PPARGC1A: variants seen among roughly 807,000 people sequenced by gnomAD.
PPARGC1A encodes PPARG coactivator 1 alpha, also known as peroxisome proliferator-activated receptor gamma coactivator 1-alpha.
A neutral mutation model predicts 88.7 loss-of-function variants in PPARGC1A; 25 were observed. That is an observed-to-expected ratio of 0.28 (90% confidence interval 0.21 to 0.39). PPARGC1A has a LOEUF of 0.39. Among genes scored for constraint, PPARGC1A ranks in the 10% least tolerant of loss-of-function variants. The pLI is 1.00. For missense variants in PPARGC1A, 880 were observed against 968.7 expected (o/e 0.91, Z 1.22); for synonymous variants, 363 against 355.6 (o/e 1.02, Z -0.24).
chr4:23,873,358 C>T (rs13131226), intron 2 of PPARGC1A, among the ~76,000 whole-genome samples: 95,995 of 151,748 alleles, frequency 0.63, 30,884 homozygotes, highest in Middle Eastern at 0.71. Context: ...AAGTTAGCAG[C>T]TTAAGCGGGT....
At chr4:24,167,962 G>T in the PPARGC1A span, among the ~76,000 whole-genome samples, 1 of 152,016 alleles carries the variant, frequency 6.6e-6, no homozygotes, top group Admixed American at 6.6e-5. Flanking sequence ...TCACCATGTT[G>T]CCCAAGCTGG....
chr4:24,258,475 A>G, the PPARGC1A span, among the ~76,000 whole-genome samples: 1 of 152,164 alleles, frequency 6.6e-6, no homozygotes, highest in Non-Finnish European at 1.5e-5. Context: ...TTTCACCACA[A>G]TCTTAACATA....
At chr4:24,128,552 G>GTC in the PPARGC1A span, among the ~76,000 whole-genome samples, 1 of 149,676 alleles carries the variant, frequency 6.7e-6, no homozygotes, top group African/African-American at 2.5e-5. Context: ...GTGTGTGTGT[G>GTC]TGTGTGTGTG....
At chr4:23,844,698 T>A (rs1171806681) in intron 2 of PPARGC1A, among the ~76,000 whole-genome samples, 3 of 98,400 alleles carry the variant, frequency 3.0e-5, no homozygotes, top group Non-Finnish European at 5.3e-5. Flanking sequence ...TAATATATGA[T>A]CTATCATAAT....
the PPARGC1A span, among the ~76,000 whole-genome samples, chr4:24,387,760 GAGAGAGAGAAAGAAAGAAAGAA>G: frequency 6.3e-5 from 5 of 79,966 alleles, no homozygotes; most frequent in African/African-American, 2.0e-4. Context: ...GAGAGAGAGA[GAGAGAGAGAAAGAAAGAAAGAA>G]AGAAAGAAAG....
chr4:24,470,498 G>T, the PPARGC1A span, among the ~76,000 whole-genome samples: 2 of 152,048 alleles, frequency 1.3e-5, no homozygotes, highest in African/African-American at 4.8e-5. This position sits in a 1 kb window ranked among gnomAD's most constrained non-coding sequence, Gnocchi z 5.8. Context: ...CGCCGGCCAC[G>T]GGCAGCCGGG....
chr4:24,031,662 C>T, the PPARGC1A span, among the ~76,000 whole-genome samples: 11 of 152,106 alleles, frequency 7.2e-5, no homozygotes, highest in Non-Finnish European at 1.3e-4. Context: ...TAACATCATC[C>T]CTGGACTCCA....
At chr4:23,975,931 A>G in the PPARGC1A span, among the ~76,000 whole-genome samples, 2 of 152,222 alleles carry the variant, frequency 1.3e-5, no homozygotes, top group African/African-American at 4.8e-5. Context: ...CATAGTAACT[A>G]CTGGATATGG....
chr4:23,984,738 A>T, the PPARGC1A span, among the ~76,000 whole-genome samples: 1 of 152,058 alleles, frequency 6.6e-6, no homozygotes, highest in Non-Finnish European at 1.5e-5. Context: ...GAGATTAGGG[A>T]TTTTTATCCC....
At chr4:23,996,225 C>T in the PPARGC1A span, among the ~76,000 whole-genome samples, 1 of 152,082 alleles carries the variant, frequency 6.6e-6, no homozygotes, top group South Asian at 2.1e-4. Context: ...CACCTAACAA[C>T]CTCATGCAGT....
chr4:24,035,622 G>T, the PPARGC1A span, among the ~76,000 whole-genome samples: 6 of 151,882 alleles, frequency 4.0e-5, no homozygotes, highest in Non-Finnish European at 8.8e-5. Flanking sequence ...ATTTTTGTAG[G>T]TAGAGCTTCA....
At chr4:24,418,181 C>A in the PPARGC1A span, among the ~76,000 whole-genome samples, 3 of 152,110 alleles carry the variant, frequency 2.0e-5, no homozygotes, top group Admixed American at 2.0e-4. Flanking sequence ...CTCCAGAGTT[C>A]CAGCTTCTTT....
chr4:24,130,578 A>C, the PPARGC1A span, among the ~76,000 whole-genome samples: 8 of 152,132 alleles, frequency 5.3e-5, no homozygotes, highest in Non-Finnish European at 1.2e-4. Context: ...TGTTTGATGA[A>C]ATGCTACTTA....
At chr4:23,998,178 G>A in the PPARGC1A span, among the ~76,000 whole-genome samples, 19 of 152,124 alleles carry the variant, frequency 1.2e-4, no homozygotes, top group African/African-American at 3.4e-4. Flanking sequence ...GAATTCAAAG[G>A]GAATTTGCAA....
At chr4:24,376,419 G>T in the PPARGC1A span, among the ~76,000 whole-genome samples, 2 of 152,204 alleles carry the variant, frequency 1.3e-5, no homozygotes, top group Non-Finnish European at 2.9e-5. Flanking sequence ...CCATTGATAG[G>T]TCAATCTTCA....
At chr4:24,327,581 A>T in the PPARGC1A span, among the ~76,000 whole-genome samples, 5 of 152,082 alleles carry the variant, frequency 3.3e-5, no homozygotes, top group Admixed American at 6.6e-5. Context: ...CCAGGCCATC[A>T]CCAATCATCC....
At chr4:24,318,719 C>T in the PPARGC1A span, among the ~76,000 whole-genome samples, 1 of 152,282 alleles carries the variant, frequency 6.6e-6, no homozygotes, top group East Asian at 1.9e-4. Flanking sequence ...TCAGAATAGC[C>T]TTTTTATAAA....
chr4:23,865,521 C>T (rs1711730601), intron 2 of PPARGC1A, among the ~76,000 whole-genome samples: 1 of 152,088 alleles, frequency 6.6e-6, no homozygotes, highest in Non-Finnish European at 1.5e-5. Context: ...AAGACCCATG[C>T]ATGGTGTCTG....
At chr4:23,943,516 A>C in the PPARGC1A span, among the ~76,000 whole-genome samples, 1 of 152,142 alleles carries the variant, frequency 6.6e-6, no homozygotes, top group Non-Finnish European at 1.5e-5. Flanking sequence ...GTAATAGTTA[A>C]TAAAATGGTA....
Sources: gnomAD v4.1 joint callset for allele counts (sites outside exome capture counted in the v4.1 genomes callset) on GRCh38, gnomAD v4.1.1 for gene constraint, Gnocchi (gnomAD v3.1) non-coding constraint, MANE v1.5 for transcripts, NCBI Gene and HGNC (gene_info 2026-07-23, HGNC 2026-07-21) for gene names.